Variants in PTPN9 observed in about 807,000 individuals in gnomAD.
PTPN9 encodes the protein tyrosine-protein phosphatase non-receptor type 9.
PTPN9 carries 26 observed loss-of-function variants against 69.8 expected under a neutral mutation model. The ratio of observed to expected loss-of-function variants is 0.37; its 90% confidence interval spans 0.27 to 0.52. PTPN9 has a LOEUF of 0.52. Among genes scored for constraint, PTPN9 ranks in the 20% least tolerant of loss-of-function variants. PTPN9 has a pLI of 0.91. For missense variants in PTPN9, 549 were observed against 740.3 expected, an observed-to-expected ratio of 0.74 and a Z score of 3.00; for synonymous variants, 274 against 272.5, an observed-to-expected ratio of 1.01 and a Z score of -0.05.
At chr15:75,496,138 C>CA (rs55642191) in intron 7 of PTPN9, among the ~76,000 whole-genome samples, 1,552 of 108,050 alleles carry the variant, frequency 0.014, 12 homozygotes, top group Middle Eastern at 0.041. Context: ...GAGCCTGTCT[C>CA]AAAAAAAAAA....
chr15:75,474,842 C>T (rs1341188201), intron 9 of PTPN9, among the ~76,000 whole-genome samples: 4 of 152,160 alleles, frequency 2.6e-5, no homozygotes, highest in African/African-American at 9.7e-5. Context: ...CCAATCTACT[C>T]TGGGAAACCC....
At chr15:75,502,400 A>C (rs147082704) in intron 7 of PTPN9, among the ~76,000 whole-genome samples, 8 of 152,074 alleles carry the variant, frequency 5.3e-5, no homozygotes, top group Admixed American at 2.6e-4. Flanking sequence ...GTGAGCCGAG[A>C]TCGTGCCATT....
At chr15:75,499,399 CTTTTTTTTT>C (rs71440245) in intron 7 of PTPN9, among the ~76,000 whole-genome samples, 3 of 84,524 alleles carry the variant, frequency 3.5e-5, no homozygotes, top group African/African-American at 1.5e-4. Context: ...TCTAAACCCA[CTTTTTTTTT>C]TTTTTTTTTT....
At chr15:75,563,839 C>T (rs1258814676) in intron 1 of PTPN9, among the ~76,000 whole-genome samples, 1 of 152,096 alleles carries the variant, frequency 6.6e-6, no homozygotes, top group African/African-American at 2.4e-5. Flanking sequence ...CCTTGCTATA[C>T]AAGGACCTGG....
At chr15:75,530,921 TTTA>T (rs956742862) in intron 1 of PTPN9, among the ~76,000 whole-genome samples, 4 of 115,706 alleles carry the variant, frequency 3.5e-5, no homozygotes, top group African/African-American at 1.3e-4. Flanking sequence ...AATATATATT[TTTA>T]TTATTATAAT....
rs1304810381 is a variant in PTPN9, at chr15:75,506,060, TG to T, written c.640-58del. ...TGGGAGGAGGGAAAGGCATATAGAG[TG>T]ACAAAGAATAAATGTATTTATATCA... On this transcript the variant is annotated intron_variant, in intron 6 of 12. Transcript: ENST00000618819. 33 of 1,319,040 alleles carry T rather than the reference TG, an allele frequency of 2.5e-5. No individual in the cohort carries two copies. The African/African-American group carries it at 3.8e-4, about 15-fold the overall frequency. 81.7% of individuals were successfully genotyped at this position (1,319,040 alleles called of 1,614,324 possible). A position where few individuals can be genotyped will look rare whatever the true frequency, so the allele number is the denominator to read the frequency against.
chr15:75,529,424 C>G (rs370061852), intron 1 of PTPN9, among the ~76,000 whole-genome samples: 16 of 152,286 alleles, frequency 1.1e-4, no homozygotes, highest in African/African-American at 3.9e-4. Flanking sequence ...TTAACCATAC[C>G]TCTATTCCCA....
intron 1 of PTPN9, among the ~76,000 whole-genome samples, chr15:75,538,526 G>T (rs890431227): frequency 6.6e-6 from 1 of 151,964 alleles, no homozygotes; most frequent in Non-Finnish European, 1.5e-5. Context: ...ACAAAACCCC[G>T]TCTCTACAAA....
intron 5 of PTPN9, among the ~76,000 whole-genome samples, chr15:75,513,890 GGAGTTA>G (rs1033455927): frequency 2.0e-5 from 3 of 151,648 alleles, no homozygotes; most frequent in Non-Finnish European, 2.9e-5. Flanking sequence ...CCTGAGGTCA[GGAGTTA>G]GAGTCTAGCC....
chr15:75,519,254 G>A (rs1330133272), intron 4 of PTPN9, among the ~76,000 whole-genome samples: 1 of 152,126 alleles, frequency 6.6e-6, no homozygotes, highest in Non-Finnish European at 1.5e-5. Flanking sequence ...GACTACAGGT[G>A]CCCACCACCA....
chr15:75,563,489 G>A (rs1010225333), intron 1 of PTPN9, among the ~76,000 whole-genome samples: 5 of 152,068 alleles, frequency 3.3e-5, no homozygotes, highest in African/African-American at 1.2e-4. Flanking sequence ...CCCCTGGCTG[G>A]TATTTGGTTT....
At chr15:75,505,284 C>T (rs529595723) in intron 7 of PTPN9, among the ~76,000 whole-genome samples, 4 of 149,768 alleles carry the variant, frequency 2.7e-5, no homozygotes, top group African/African-American at 9.9e-5. Flanking sequence ...ATCATCACCA[C>T]TCCCTAATCT....
chr15:75,480,764 GC>G (rs2074626908), intron 8 of PTPN9: 1 of 1,178,362 alleles, frequency 8.5e-7, no homozygotes, highest in African/African-American at 1.6e-5. Context: ...TTGCCGCCGC[GC>G]CGGCGAGCGC....
At chr15:75,479,167 C>T (rs767450530) in intron 9 of PTPN9, among the ~76,000 whole-genome samples, 2 of 152,108 alleles carry the variant, frequency 1.3e-5, no homozygotes, top group African/African-American at 4.8e-5. Context: ...ATTAGCCGGG[C>T]GTGGTGGCAC....
At chr15:75,469,658 T>A (rs2074553484) in intron 12 of PTPN9, 134 bp downstream of exon 12, 2 of 987,926 alleles carry the variant, frequency 2.0e-6, no homozygotes, top group Admixed American at 4.4e-5. Context: ...AGATGAGGGA[T>A]TTTTCACAGC....
intron 1 of PTPN9, among the ~76,000 whole-genome samples, chr15:75,560,729 A>T (rs2075100840): frequency 6.6e-6 from 1 of 152,156 alleles, no homozygotes; most frequent in Non-Finnish European, 1.5e-5. Context: ...GTTGTTGTTA[A>T]TTACTTTAAA....
At chr15:75,565,073 C>T (rs1299017260) in intron 1 of PTPN9, among the ~76,000 whole-genome samples, 1 of 149,938 alleles carries the variant, frequency 6.7e-6, no homozygotes, top group East Asian at 1.9e-4. Context: ...TGCACTCCAG[C>T]CTGGGCGACA....
intron 1 of PTPN9, among the ~76,000 whole-genome samples, chr15:75,552,217 A>G (rs1442378051): frequency 6.6e-6 from 1 of 151,148 alleles, no homozygotes; most frequent in Admixed American, 6.6e-5. Context: ...TGACCAACAT[A>G]GAGAAACCCC....
At chr15:75,497,774 C>A (rs1391776760) in intron 7 of PTPN9, among the ~76,000 whole-genome samples, 1 of 148,956 alleles carries the variant, frequency 6.7e-6, no homozygotes, top group South Asian at 2.1e-4. Context: ...TGCACTCCAG[C>A]CTGGGCAACA....
Sources: gnomAD v4.1 joint callset for allele counts (sites outside exome capture counted in the v4.1 genomes callset) on GRCh38, gnomAD v4.1.1 for gene constraint, MANE v1.5 for transcripts, NCBI Gene and HGNC (gene_info 2026-07-23, HGNC 2026-07-21) for gene names.